Variants in MARCHF11 observed in about 807,000 individuals in gnomAD.
MARCHF11 encodes membrane associated ring-CH-type finger 11.
MARCHF11 carries 29 observed loss-of-function variants against 37.3 expected under a neutral mutation model. That is an observed-to-expected ratio of 0.78 (90% CI 0.58 to 1.06). The LOEUF is 1.06. Among genes scored for constraint, MARCHF11 ranks in the 50% least tolerant of loss-of-function variants. The probability of loss-of-function intolerance (pLI) is 0.00; values close to 1 mark genes in which losing one functional copy is unlikely to be tolerated. For missense variants in MARCHF11, 482 were observed against 533.4 expected (o/e 0.90, Z 0.95); for synonymous variants, 233 against 228.0 (o/e 1.02, Z -0.20).
chr5:16,120,386 T>C (rs1002087026), intron 2 of MARCHF11, among the ~76,000 whole-genome samples: 12 of 152,296 alleles, frequency 7.9e-5, no homozygotes, highest in Middle Eastern at 3.4e-3. Flanking sequence ...ATTGCTACCA[T>C]AGCCCCCTCT....
chr5:16,075,608 G>A (rs1194251386), intron 3 of MARCHF11, among the ~76,000 whole-genome samples: 4 of 151,880 alleles, frequency 2.6e-5, no homozygotes, highest in African/African-American at 7.3e-5. Context: ...AGAGAGAGAG[G>A]AGAGTAGCTA....
chr5:16,124,220 G>A (rs1295909492), intron 2 of MARCHF11, among the ~76,000 whole-genome samples: 6 of 152,080 alleles, frequency 3.9e-5, no homozygotes, highest in Non-Finnish European at 5.9e-5. Flanking sequence ...AAAGATGGAA[G>A]AAGAAAATGA....
At chr5:16,174,581 C>T (rs1423084318) in intron 2 of MARCHF11, among the ~76,000 whole-genome samples, 1 of 152,234 alleles carries the variant, frequency 6.6e-6, no homozygotes, top group Non-Finnish European at 1.5e-5. Context: ...CTTCTCTGTC[C>T]TCATCTTCCT....
chr5:16,067,805 G>C lies in MARCHF11; in HGVS notation c.887-12C>G. On this transcript the variant is annotated splice_polypyrimidine_tract_variant and intron_variant, in intron 3 of 3. Coordinates refer to ENST00000332432, the MANE Select transcript of MARCHF11 (RefSeq NM_001102562.3). ...ATGAACAATGAGACCTAAAATTTGA[G>C]AAAATAAAAAACCAAAAAGACTGGT... 2 of 1,592,436 alleles carry C rather than the reference G, an allele frequency of 1.3e-6. No individual in the cohort carries two copies. The highest frequency in any genetic ancestry group is 1.7e-6 in the Non-Finnish European group (2 of 1,169,766).
intron 2 of MARCHF11, among the ~76,000 whole-genome samples, chr5:16,142,845 A>C (rs866391808): frequency 7.1e-6 from 1 of 141,652 alleles, no homozygotes; most frequent in Non-Finnish European, 1.5e-5. Flanking sequence ...ACATCTCCCA[A>C]GTAGCTGAGA....
At chr5:16,134,415 G>A (rs900056104) in intron 2 of MARCHF11, among the ~76,000 whole-genome samples, 11 of 152,062 alleles carry the variant, frequency 7.2e-5, no homozygotes, top group Non-Finnish European at 1.0e-4. Context: ...GCTGCCATGC[G>A]ATGACACAGC....
chr5:16,168,166 A>C (rs937097026), intron 2 of MARCHF11, among the ~76,000 whole-genome samples: 10 of 152,124 alleles, frequency 6.6e-5, no homozygotes, highest in Admixed American at 1.3e-4. Context: ...TCCAAAATAA[A>C]GAAGCATATT....
At chr5:16,161,959 G>A (rs1249785368) in intron 2 of MARCHF11, among the ~76,000 whole-genome samples, 1 of 151,900 alleles carries the variant, frequency 6.6e-6, no homozygotes, top group East Asian at 1.9e-4. Context: ...CTTGTCCAAG[G>A]AGAACACAGG....
chr5:16,119,294 G>A (rs531885715), intron 2 of MARCHF11, among the ~76,000 whole-genome samples: 35 of 151,878 alleles, frequency 2.3e-4, no homozygotes, highest in East Asian at 1.4e-3. Context: ...CCCAGGAGGC[G>A]GAGGTTACAG....
intron 2 of MARCHF11, among the ~76,000 whole-genome samples, chr5:16,097,318 T>C (rs1579379350): frequency 6.6e-6 from 1 of 152,192 alleles, no homozygotes; most frequent in Non-Finnish European, 1.5e-5. Context: ...TTAAAAGTGA[T>C]TTTCATGATT....
chr5:16,091,087 AG>A lies in MARCHF11; in HGVS notation c.694-7del, dbSNP rs769291665. 1.2e-5 allele frequency: 19 copies of A among 1,568,378 alleles called. No homozygotes were observed. Among genetic ancestry groups the A allele is most frequent in the Non-Finnish European group, 1.6e-5 (18 of 1,157,068 alleles). On this transcript the variant is annotated splice_polypyrimidine_tract_variant and splice_region_variant and intron_variant, in intron 2 of 3. Coordinates refer to ENST00000332432, the MANE Select transcript of MARCHF11 (RefSeq NM_001102562.3). Reference sequence around the variant, plus strand: ...GTTATAGAAATGCTCTGCCACTAAAAGAAAAACAGAGGCATGTAAGAAAGGA... The same window carrying A: ...GTTATAGAAATGCTCTGCCACTAAAAAAAAACAGAGGCATGTAAGAAAGGA...
At chr5:16,147,658 G>T (rs1463653199) in intron 2 of MARCHF11, among the ~76,000 whole-genome samples, 3 of 149,040 alleles carry the variant, frequency 2.0e-5, no homozygotes, top group Admixed American at 6.8e-5. Flanking sequence ...GGATTTCTCA[G>T]ATATGTTGAA....
chr5:16,162,013 A>C (rs1255337127), intron 2 of MARCHF11, among the ~76,000 whole-genome samples: 1 of 152,040 alleles, frequency 6.6e-6, no homozygotes, highest in African/African-American at 2.4e-5. Flanking sequence ...TGTATTTATA[A>C]AAATCGATAT....
At chr5:16,130,859 A>G (rs900241190) in intron 2 of MARCHF11, among the ~76,000 whole-genome samples, 1 of 152,212 alleles carries the variant, frequency 6.6e-6, no homozygotes, top group Non-Finnish European at 1.5e-5. Context: ...TCTCATTGAA[A>G]TTAGTTCACC....
chr5:16,179,063 C>T lies in MARCHF11; in HGVS notation c.513G>A (p.Lys171=), dbSNP rs1738416622. 2 of 1,489,732 alleles carry T rather than the reference C, an allele frequency of 1.3e-6. No homozygotes were observed. The highest frequency in any genetic ancestry group is 2.9e-5 in the East Asian group (1 of 34,720). 92.3% of individuals were successfully genotyped at this position (1,489,732 alleles called of 1,614,324 possible). A position where few individuals can be genotyped will look rare whatever the true frequency, so the allele number is the denominator to read the frequency against. Residue 171 remains lysine (K), a synonymous_variant, in exon 1 of 4, where the codon AAG becomes AAA. Coordinates refer to ENST00000332432, the MANE Select transcript of MARCHF11 (RefSeq NM_001102562.3). ...HQHQHHQPIC[K]ICFQGAEQGE... Reference sequence around the variant, plus strand: ...CCTGCTCCGCGCCCTGGAAGCAGATCTTGCAGATGGGCTGGTGGTGCTGGT... The same window carrying T: ...CCTGCTCCGCGCCCTGGAAGCAGATTTTGCAGATGGGCTGGTGGTGCTGGT...
chr5:16,158,271 C>A (rs907084951), intron 2 of MARCHF11, among the ~76,000 whole-genome samples: 34 of 151,912 alleles, frequency 2.2e-4, no homozygotes, highest in African/African-American at 7.7e-4. Context: ...ATGATGGTTA[C>A]CCCAAAAATT....
intron 2 of MARCHF11, among the ~76,000 whole-genome samples, chr5:16,143,031 T>C (rs564628860): frequency 2.3e-4 from 35 of 151,760 alleles, no homozygotes; most frequent in African/African-American, 6.8e-4. Context: ...TGAGCCACCA[T>C]TCCCGGCCAT....
chr5:16,174,066 G>A lies in MARCHF11; in HGVS notation c.693+3660C>T, dbSNP rs147311824. On this transcript the variant is annotated intron_variant, in intron 2 of 3. Transcript: ENST00000332432. ...ATCCCATAAATGTTATCTCTTCAAA[G>A]ATCCATCATGCCTCTGGAAAAAATA... Among the ~76,000 whole-genome samples, 553 of 152,250 alleles carry A rather than the reference G, an allele frequency of 3.6e-3. 2 individuals carry two copies. The highest frequency in any genetic ancestry group is 0.013 in the African/African-American group (532 of 41,540).
chr5:16,087,801 G>A (rs947502487), intron 3 of MARCHF11, among the ~76,000 whole-genome samples: 1 of 152,092 alleles, frequency 6.6e-6, no homozygotes, highest in African/African-American at 2.4e-5. Flanking sequence ...CTGTGCCTAG[G>A]AATAAGTAAA....
Sources: allele counts gnomAD v4.1 joint callset (sites outside exome capture counted in the v4.1 genomes callset), GRCh38; gene constraint gnomAD v4.1.1; transcripts MANE v1.5; gene names NCBI Gene and HGNC (gene_info 2026-07-23, HGNC 2026-07-21).